Variants in ITPRID1 observed in about 807,000 individuals in gnomAD.
ITPRID1 encodes ITPR interacting domain containing 1.
ITPRID1 carries 96 observed loss-of-function variants against 95.4 expected under a neutral mutation model. The ratio of observed to expected loss-of-function variants is 1.01; its 90% CI spans 0.85 to 1.19. The LOEUF is 1.19. Ranked by LOEUF, ITPRID1 falls within the 50% of genes most tolerant of loss-of-function variation. ITPRID1 has a pLI of 0.00. For synonymous variants in ITPRID1, 510 were observed against 453.6 expected, an observed-to-expected ratio of 1.12 and a Z score of -1.58; for missense variants, 1,339 against 1,252.9, an observed-to-expected ratio of 1.07 and a Z score of -1.04.
intron 1 of ITPRID1, among the ~76,000 whole-genome samples, chr7:31,533,502 C>T (rs1454195717): frequency 6.6e-6 from 1 of 151,492 alleles, no homozygotes; most frequent in Admixed American, 6.6e-5. Flanking sequence ...TTCCTTTTTC[C>T]ACTTACTTTG....
intron 1 of ITPRID1, among the ~76,000 whole-genome samples, chr7:31,537,645 G>GT (rs1428092525): frequency 6.6e-6 from 1 of 151,942 alleles, no homozygotes; most frequent in Non-Finnish European, 1.5e-5. Context: ...ATATTTTAAT[G>GT]TTTTTCACTG....
intron 10 of ITPRID1, among the ~76,000 whole-genome samples, chr7:31,640,272 A>G (rs1283094617): frequency 6.6e-6 from 1 of 152,104 alleles, no homozygotes; most frequent in Non-Finnish European, 1.5e-5. Flanking sequence ...CTGGATGAGT[A>G]CTGGGCAGTG....
At chr7:31,600,813 T>A (rs1482870398) in intron 10 of ITPRID1, among the ~76,000 whole-genome samples, 1 of 152,140 alleles carries the variant, frequency 6.6e-6, no homozygotes, top group Non-Finnish European at 1.5e-5. Context: ...GCCCAGGAAG[T>A]TGCTTCTTCC....
intron 10 of ITPRID1, among the ~76,000 whole-genome samples, chr7:31,608,826 AT>A (rs1480655292): frequency 1.3e-5 from 2 of 151,282 alleles, no homozygotes; most frequent in Non-Finnish European, 3.0e-5. Context: ...TTGATTCTGA[AT>A]TTTTTTTCTT....
At chr7:31,573,668 C>T (rs1429351606) in intron 7 of ITPRID1, among the ~76,000 whole-genome samples, 2 of 151,824 alleles carry the variant, frequency 1.3e-5, no homozygotes, top group Non-Finnish European at 2.9e-5. Context: ...GGTCTGCTTC[C>T]CATGGAATCC....
chr7:31,594,618 A>T (rs934003894), intron 10 of ITPRID1, among the ~76,000 whole-genome samples: 1 of 152,126 alleles, frequency 6.6e-6, no homozygotes, highest in African/African-American at 2.4e-5. Flanking sequence ...GCAGTTTGGG[A>T]GGTCGAGGCT....
chr7:31,633,624 C>T (rs1327449389), intron 10 of ITPRID1, among the ~76,000 whole-genome samples: 1 of 152,226 alleles, frequency 6.6e-6, no homozygotes, highest in Non-Finnish European at 1.5e-5. Context: ...ATTTATGCCA[C>T]CTGCCCAGCT....
chr7:31,616,342 C>T (rs192278069), intron 10 of ITPRID1, among the ~76,000 whole-genome samples: 100 of 152,022 alleles, frequency 6.6e-4, no homozygotes, highest in Non-Finnish European at 1.1e-3. Context: ...CATATTGGGT[C>T]CTATTGATTT....
intron 1 of ITPRID1, among the ~76,000 whole-genome samples, chr7:31,531,548 TGTCA>T: frequency 6.6e-6 from 1 of 152,164 alleles, no homozygotes; most frequent in Non-Finnish European, 1.5e-5. Flanking sequence ...GGTTTGGCTG[TGTCA>T]GTCAGGTGAG....
intron 10 of ITPRID1, among the ~76,000 whole-genome samples, chr7:31,632,857 G>T (rs1583665760): frequency 1.3e-5 from 2 of 152,070 alleles, no homozygotes; most frequent in East Asian, 1.9e-4. Flanking sequence ...GGTCTGGGGA[G>T]ATTTTTATTT....
intron 10 of ITPRID1, among the ~76,000 whole-genome samples, chr7:31,634,692 GA>G (rs1166204381): frequency 1.3e-5 from 2 of 152,090 alleles, no homozygotes; most frequent in Non-Finnish European, 2.9e-5. Flanking sequence ...AAGGAGGCAT[GA>G]AAAAAATTGT....
At chr7:31,572,409 G>C (rs1022833729) in intron 7 of ITPRID1, among the ~76,000 whole-genome samples, 4 of 152,078 alleles carry the variant, frequency 2.6e-5, no homozygotes, top group African/African-American at 9.7e-5. Context: ...ATGAGTGATT[G>C]GCCAGTTCAT....
chr7:31,580,736 A>C (rs1399244858), intron 9 of ITPRID1, among the ~76,000 whole-genome samples: 1 of 152,282 alleles, frequency 6.6e-6, no homozygotes, highest in East Asian at 1.9e-4. Context: ...AATTGAGTGA[A>C]CATCCAAAGA....
intron 10 of ITPRID1, among the ~76,000 whole-genome samples, chr7:31,618,013 C>A (rs1441001161): frequency 6.6e-6 from 1 of 152,100 alleles, no homozygotes; most frequent in East Asian, 1.9e-4. Context: ...GCTGTCAGAG[C>A]GTTTCCAGTA....
chr7:31,518,663 G>A (rs547457731), intron 1 of ITPRID1, among the ~76,000 whole-genome samples: 9 of 152,224 alleles, frequency 5.9e-5, no homozygotes, highest in African/African-American at 1.9e-4. Flanking sequence ...TCACTTTATC[G>A]CACGGGTATT....
chr7:31,588,216 G>T (rs1785704566), intron 10 of ITPRID1, among the ~76,000 whole-genome samples: 1 of 152,144 alleles, frequency 6.6e-6, no homozygotes, highest in South Asian at 2.1e-4. Flanking sequence ...AGTGAACAAA[G>T]AGTGGAGGGA....
intron 10 of ITPRID1, among the ~76,000 whole-genome samples, chr7:31,618,654 C>T (rs374362060): frequency 0.042 from 6,344 of 152,166 alleles, 380 homozygotes; most frequent in African/African-American, 0.13. Context: ...TGTAGAAACC[C>T]ATAATTATAG....
At chr7:31,607,321 C>CT (rs1786667261) in intron 10 of ITPRID1, among the ~76,000 whole-genome samples, 1 of 152,266 alleles carries the variant, frequency 6.6e-6, no homozygotes, top group African/African-American at 2.4e-5. Context: ...TTGACTGATG[C>CT]TTTCGCTTTG....
chr7:31,565,187 C>T (rs139555385), intron 5 of ITPRID1, among the ~76,000 whole-genome samples: 278 of 152,246 alleles, frequency 1.8e-3, no homozygotes, highest in African/African-American at 6.5e-3. Flanking sequence ...CTCACAGTAA[C>T]GCTGTGAAAA....
Sources: allele counts gnomAD v4.1 joint callset (sites outside exome capture counted in the v4.1 genomes callset), GRCh38; gene constraint gnomAD v4.1.1; transcripts MANE v1.5; gene names NCBI Gene and HGNC (gene_info 2026-07-23, HGNC 2026-07-21).